The following ARHGAP42 variants were observed in gnomAD, a reference collection of about 807,000 sequenced individuals.
ARHGAP42 encodes the protein rho GTPase-activating protein 42.
ARHGAP42 carries 63 observed loss-of-function variants against 125.0 expected under a neutral mutation model. The ratio of observed to expected loss-of-function variants is 0.50; its 90% confidence interval spans 0.41 to 0.62. The LOEUF (loss-of-function observed/expected upper bound fraction) is 0.62, where lower values mean the gene tolerates loss of function less well. Ranked by LOEUF, ARHGAP42 falls within the 20% of genes least tolerant of loss-of-function variation. ARHGAP42 has a pLI of 0.00. For missense variants in ARHGAP42, 766 were observed against 1,024.2 expected, an observed-to-expected ratio of 0.75 and a Z score of 3.44; for synonymous variants, 339 against 351.0, an observed-to-expected ratio of 0.97 and a Z score of 0.38.
intron 4 of ARHGAP42, among the ~76,000 whole-genome samples, chr11:100,898,658 G>A (rs531438840): frequency 6.6e-6 from 1 of 152,272 alleles, no homozygotes; most frequent in Admixed American, 6.5e-5. Context: ...TCTGGTGGTA[G>A]TTTGTATTTC....
chr11:100,883,011 T>C (rs1865998158), intron 4 of ARHGAP42, among the ~76,000 whole-genome samples: 1 of 152,190 alleles, frequency 6.6e-6, no homozygotes, highest in African/African-American at 2.4e-5. Context: ...CTTGCTAATG[T>C]TCTATCAATT....
At chr11:100,909,670 A>G (rs1199508222) in intron 4 of ARHGAP42, among the ~76,000 whole-genome samples, 1 of 152,156 alleles carries the variant, frequency 6.6e-6, no homozygotes, top group Non-Finnish European at 1.5e-5. Flanking sequence ...CTTACCTTGA[A>G]GTCTTTAACC....
In ARHGAP42 at chr11:100,979,016, A is replaced by T; in HGVS notation, c.2423A>T (p.Asn808Ile). ...GCAGCAAAAGCTCAACTGTTTGAAA[A>T]TGTTGGTTCACCTAAACCAGTTTCT... ...VVAAKAQLFE[N>I]VGSPKPVSSG... Residue 808 changes from asparagine to isoleucine, a missense_variant, in exon 22 of 24, where the codon AAT becomes ATT. Around this residue, in one of 3 missense-constraint regions of ARHGAP42, gnomAD observed 308 missense variants for 369.7 expected, o/e 0.83. Coordinates refer to ENST00000298815, the MANE Select transcript of ARHGAP42 (RefSeq NM_152432.4). 6.4e-7 allele frequency: 1 copy of T among 1,551,548 alleles called. No individual in the cohort carries two copies. Among genetic ancestry groups the T allele is most frequent in the Non-Finnish European group, 8.7e-7 (1 of 1,146,832 alleles).
chr11:100,828,431 A>G (rs1345511325), intron 3 of ARHGAP42, among the ~76,000 whole-genome samples: 1 of 152,098 alleles, frequency 6.6e-6, no homozygotes, highest in Admixed American at 6.5e-5. Flanking sequence ...TTGTTTGTTC[A>G]AGGAAACTAC....
In ARHGAP42 at chr11:100,990,189, G is replaced by A. The variant is rs1185257745; in HGVS notation, c.*1388G>A. On this transcript the variant is annotated 3_prime_UTR_variant, in exon 24 of 24. Transcript: ENST00000298815. ...GCCTTTCTTCTCAAGATCCTGAAAA[G>A]CTGGTTACCTGCCCTTTGAGTGCCA... 1 of 152,126 alleles carries A rather than the reference G, an allele frequency of 6.6e-6. No individual in the cohort carries two copies. The highest frequency in any genetic ancestry group is 1.5e-5 in the Non-Finnish European group (1 of 68,024). The allele number at this position is 152,126 out of a possible 1,614,324, so 9.4% of individuals were successfully genotyped here.
chr11:100,902,407 T>C (rs778871243), intron 4 of ARHGAP42, among the ~76,000 whole-genome samples: 7 of 152,196 alleles, frequency 4.6e-5, no homozygotes, highest in Non-Finnish European at 7.3e-5. Context: ...GAAATCCTTA[T>C]TGATAGGAAA....
At chr11:100,745,435 C>T (rs1343355653) in intron 1 of ARHGAP42, among the ~76,000 whole-genome samples, 1 of 152,140 alleles carries the variant, frequency 6.6e-6, no homozygotes, top group African/African-American at 2.4e-5. Flanking sequence ...GCAACCCACA[C>T]GTGCATGGTG....
chr11:100,916,386 T>A (rs1867066194), intron 5 of ARHGAP42, among the ~76,000 whole-genome samples: 1 of 152,176 alleles, frequency 6.6e-6, no homozygotes, highest in African/African-American at 2.4e-5. Flanking sequence ...CTATCATCTC[T>A]TATATACAAG....
chr11:100,698,635 C>T (rs1368733587), intron 1 of ARHGAP42, among the ~76,000 whole-genome samples: 2 of 152,024 alleles, frequency 1.3e-5, no homozygotes, highest in African/African-American at 2.4e-5. Context: ...GAGCCCAGAT[C>T]GTGCCATTGT....
At chr11:100,858,024 T>C (rs1865360863) in intron 3 of ARHGAP42, among the ~76,000 whole-genome samples, 1 of 151,918 alleles carries the variant, frequency 6.6e-6, no homozygotes, top group South Asian at 2.1e-4. Flanking sequence ...TCTTTCCCCT[T>C]ATGCAAACTT....
intron 2 of ARHGAP42, among the ~76,000 whole-genome samples, chr11:100,777,725 A>AT (rs1863164594): frequency 6.6e-6 from 1 of 152,252 alleles, no homozygotes; most frequent in African/African-American, 2.4e-5. Flanking sequence ...ATCATTAATA[A>AT]TTTTTCTTAA....
rs916275894 is a variant in ARHGAP42, at chr11:100,737,702, C to G, written c.155-32641C>G. Among the ~76,000 whole-genome samples, 29 of 152,150 alleles carry G rather than the reference C, an allele frequency of 1.9e-4. 2 individuals carry two copies. Among genetic ancestry groups the G allele is most frequent in the African/African-American group, 6.8e-4 (28 of 41,420 alleles). ...CCCAGCAATTGCCCTTGAATAGATG[C>G]TGACTTATTTGTTGAATGAATGAAC... On this transcript the variant is annotated intron_variant, in intron 1 of 23. Coordinates refer to ENST00000298815, the MANE Select transcript of ARHGAP42 (RefSeq NM_152432.4).
chr11:100,980,451 C>T (rs539466229), intron 22 of ARHGAP42, among the ~76,000 whole-genome samples: 62 of 151,086 alleles, frequency 4.1e-4, no homozygotes, highest in African/African-American at 1.4e-3. Flanking sequence ...AGGTAATCCC[C>T]GTAGAGCTTT....
At chr11:100,790,206 G>A (rs917001699) in intron 2 of ARHGAP42, among the ~76,000 whole-genome samples, 2 of 152,150 alleles carry the variant, frequency 1.3e-5, no homozygotes, top group African/African-American at 4.8e-5. Context: ...AGACAGTTTA[G>A]GAATGTTTCA....
chr11:100,988,714 G>A lies in ARHGAP42; in HGVS notation c.2538G>A (p.Val846=), dbSNP rs768119790. 1.9e-6 allele frequency: 3 copies of A among 1,548,598 alleles called. No homozygotes were observed. The highest frequency in any genetic ancestry group is 1.2e-5 in the South Asian group (1 of 83,898). The change falls in exon 24 of 24, where the codon GTG becomes GTA. Residue 846 remains valine, a splice_region_variant and synonymous_variant. Coordinates refer to ENST00000298815, the MANE Select transcript of ARHGAP42 (RefSeq NM_152432.4). The stretch of plus-strand genomic sequence containing the variant: ...CTATTTATTTATTTATTTTGCCAGT[G>A]TACCCATCAGTGGAACCAGGATGGT... ...SFPQGAIFSN[V]YPSVEPGWLK...
At chr11:100,866,837 A>T (rs1169540541) in intron 4 of ARHGAP42, among the ~76,000 whole-genome samples, 1 of 152,170 alleles carries the variant, frequency 6.6e-6, no homozygotes, top group Non-Finnish European at 1.5e-5. Context: ...CATATCAGTT[A>T]TGAAATGCCT....
chr11:100,916,026 C>T (rs933247375), intron 5 of ARHGAP42, among the ~76,000 whole-genome samples: 11 of 152,158 alleles, frequency 7.2e-5, no homozygotes, highest in Non-Finnish European at 1.2e-4. Flanking sequence ...CTCCTCTGTG[C>T]CTTCCTACCT....
chr11:100,718,121 G>A (rs934118823), intron 1 of ARHGAP42, among the ~76,000 whole-genome samples: 2 of 152,160 alleles, frequency 1.3e-5, no homozygotes, highest in African/African-American at 4.8e-5. Flanking sequence ...TGTGTCTCTA[G>A]CATGTATATA....
intron 3 of ARHGAP42, among the ~76,000 whole-genome samples, chr11:100,838,896 C>A (rs1864878084): frequency 1.3e-5 from 2 of 152,020 alleles, no homozygotes; most frequent in African/African-American, 4.8e-5. Flanking sequence ...ATTTCCCAAC[C>A]TTTTTCTATT....
Sources: allele counts gnomAD v4.1 joint callset (sites outside exome capture counted in the v4.1 genomes callset), GRCh38; gene constraint gnomAD v4.1.1; regional missense constraint gnomAD v4.1.1; transcripts MANE v1.5; gene names NCBI Gene and HGNC (gene_info 2026-07-23, HGNC 2026-07-21).